The following DIP2C variants were observed in gnomAD, a reference collection of about 807,000 sequenced individuals.
DIP2C encodes DIP2 acetate--CoA ligase C (putative).
Under a neutral mutation model 192.4 loss-of-function variants are expected in DIP2C, and 33 were observed. That is an observed-to-expected ratio of 0.17 (90% confidence interval 0.13 to 0.23). DIP2C has a LOEUF of 0.23. Among genes scored for constraint, DIP2C ranks in the 10% least tolerant of loss-of-function variants. The pLI is 1.00. For synonymous variants in DIP2C, 979 were observed against 864.1 expected (o/e 1.13, Z -2.33); for missense variants, 1,537 against 2,110.1 (o/e 0.73, Z 5.32).
intron 24 of DIP2C, among the ~76,000 whole-genome samples, chr10:353,492 G>A (rs1446442592): frequency 1.3e-5 from 2 of 151,616 alleles, no homozygotes; most frequent in Admixed American, 6.5e-5. Context: ...GGGTTCAAGC[G>A]ACTCTCGTGC....
intron 33 of DIP2C, among the ~76,000 whole-genome samples, chr10:287,391 G>A (rs1435246161): frequency 6.6e-6 from 1 of 152,140 alleles, no homozygotes; most frequent in African/African-American, 2.4e-5. Flanking sequence ...TTGAGATAAA[G>A]GCAAAACATT....
intron 24 of DIP2C, among the ~76,000 whole-genome samples, chr10:350,078 C>T (rs987322435): frequency 1.4e-4 from 21 of 152,142 alleles, no homozygotes; most frequent in African/African-American, 2.2e-4. Context: ...CAAGAAACAT[C>T]GCAAGAGTGT....
Position 321,466 on chromosome 10 carries a change from G to A in DIP2C, c.3924+5540C>T, listed in dbSNP as rs538158100. Reference sequence around the variant, plus strand: ...CTGAGTTTGCTCCCTATCTCCTGGAGATAAAACTCTTCCCTCTCTCCATCA... The same window carrying A: ...CTGAGTTTGCTCCCTATCTCCTGGAAATAAAACTCTTCCCTCTCTCCATCA... On this transcript the variant is annotated intron_variant, in intron 31 of 36. Transcript: ENST00000280886. Among the ~76,000 whole-genome samples, 17 of 152,338 alleles carry A rather than the reference G, an allele frequency of 1.1e-4. No individual in the cohort carries two copies. The East Asian group carries it at 3.1e-3, about 28-fold the overall frequency.
At chr10:511,935 G>A (rs1846039143) in intron 1 of DIP2C, among the ~76,000 whole-genome samples, 1 of 152,186 alleles carries the variant, frequency 6.6e-6, no homozygotes, top group African/African-American at 2.4e-5. Flanking sequence ...AGCTGCTGCT[G>A]CCTGGCTGGC....
rs540755665 is a variant in DIP2C at position 594,135 on chromosome 10, G to A, written c.85+95359C>T. Among the ~76,000 whole-genome samples the A allele has an allele frequency of 5.9e-5, 9 of 152,326 alleles. No individual in the cohort carries two copies. The South Asian group carries it at 1.0e-3, about 18-fold the overall frequency. On this transcript the variant is annotated intron_variant, in intron 1 of 36. Coordinates refer to ENST00000280886, the MANE Select transcript of DIP2C (RefSeq NM_014974.3). ...AGAGGGGCCGACGGTGCTGAGTCAC[G>A]TGAAGGTCCCGTTGCAGACTGGGAG...
At chr10:487,814 T>C (rs1844136735) in intron 1 of DIP2C, among the ~76,000 whole-genome samples, 1 of 152,096 alleles carries the variant, frequency 6.6e-6, no homozygotes, top group African/African-American at 2.4e-5. Context: ...CCTGACCTCA[T>C]GATCTGCCAC....
chr10:293,777 C>A (rs1445723598), intron 32 of DIP2C, among the ~76,000 whole-genome samples: 1 of 152,146 alleles, frequency 6.6e-6, no homozygotes, highest in East Asian at 1.9e-4. Flanking sequence ...TCCAAAACCA[C>A]AAACAAAACC....
chr10:489,290 A>G (rs1376008424), intron 1 of DIP2C, among the ~76,000 whole-genome samples: 1 of 152,252 alleles, frequency 6.6e-6, no homozygotes. Flanking sequence ...CAAACCTTCT[A>G]GCAGCACTTT....
chr10:673,394 G>A (rs7084920), intron 1 of DIP2C, among the ~76,000 whole-genome samples: 148,629 of 152,324 alleles, frequency 0.98, 72,616 homozygotes, highest in East Asian at 1. Context: ...ACATGAGAGC[G>A]GCTGAAAACT....
At chr10:563,447 T>C (rs559117819) in intron 1 of DIP2C, among the ~76,000 whole-genome samples, 35 of 152,228 alleles carry the variant, frequency 2.3e-4, no homozygotes, top group Non-Finnish European at 4.7e-4. Context: ...AAATGAGTCT[T>C]CATGAGAAAG....
At chr10:596,971 G>A (rs758416910) in intron 1 of DIP2C, among the ~76,000 whole-genome samples, 3 of 152,240 alleles carry the variant, frequency 2.0e-5, no homozygotes, top group Admixed American at 6.5e-5. Context: ...GACCTGAGTG[G>A]GCCCCGGGGT....
chr10:397,488 C>T (rs1964079852), intron 10 of DIP2C, among the ~76,000 whole-genome samples: 1 of 149,648 alleles, frequency 6.7e-6, no homozygotes, highest in African/African-American at 2.5e-5. Flanking sequence ...TGAAATCGTG[C>T]CACTGCACTC....
chr10:577,644 A>T (rs1043530759), intron 1 of DIP2C, among the ~76,000 whole-genome samples: 1 of 152,316 alleles, frequency 6.6e-6, no homozygotes. Context: ...GTATAAAACA[A>T]AGCCCTGCCT....
chr10:619,505 G>C (rs113997801), intron 1 of DIP2C, among the ~76,000 whole-genome samples: 15,688 of 149,886 alleles, frequency 0.1, 1,212 homozygotes, highest in African/African-American at 0.21. Context: ...GGGAGCACAG[G>C]CTTTATGCCA....
At chr10:542,808 G>A (rs979967899) in intron 1 of DIP2C, among the ~76,000 whole-genome samples, 7 of 150,244 alleles carry the variant, frequency 4.7e-5, no homozygotes, top group African/African-American at 1.2e-4. Context: ...GTTCTTATCA[G>A]ATTGGGGAGT....
At position 311,591 on chromosome 10, in the gene DIP2C, G is replaced by A. The variant is rs913939460; in HGVS notation, c.3925-1499C>T. On this transcript the variant is annotated intron_variant, in intron 31 of 36. Coordinates refer to ENST00000280886, the MANE Select transcript of DIP2C (RefSeq NM_014974.3). ...GCTACAGCAGCAGAAGGGTGAGGAC[G>A]AGAAGAGAGGAGAGAACACCAGACA... 7.0e-5 allele frequency: 86 copies of A among 1,232,132 alleles called. No homozygotes were observed. In the African/African-American group the frequency reaches 8.5e-4, roughly 12 times the overall value. 76.3% of individuals were successfully genotyped at this position (1,232,132 alleles called of 1,614,324 possible). A position where few individuals can be genotyped will look rare whatever the true frequency, so the allele number is the denominator to read the frequency against.
chr10:461,009 C>G (rs527984076), intron 3 of DIP2C, among the ~76,000 whole-genome samples: 2 of 152,282 alleles, frequency 1.3e-5, no homozygotes, highest in East Asian at 3.9e-4. Flanking sequence ...CTGAGAGATT[C>G]TGTCACCACC....
chr10:616,228 G>T (rs1173806875), intron 1 of DIP2C, among the ~76,000 whole-genome samples: 1 of 152,172 alleles, frequency 6.6e-6, no homozygotes, highest in Admixed American at 6.5e-5. Context: ...TTTGTAATCT[G>T]GACCGCAATC....
intron 23 of DIP2C, 140 bp from the exon 24 acceptor site, chr10:356,646 T>A (rs1441123038): frequency 1.6e-6 from 1 of 641,218 alleles, no homozygotes; most frequent in Non-Finnish European, 2.7e-6. Flanking sequence ...CTGCAGGGAG[T>A]TGAAGACATG....
Sources: allele counts gnomAD v4.1 joint callset (sites outside exome capture counted in the v4.1 genomes callset), GRCh38; gene constraint gnomAD v4.1.1; transcripts MANE v1.5; gene names NCBI Gene and HGNC (gene_info 2026-07-23, HGNC 2026-07-21).